GGT5: variants seen among roughly 807,000 people sequenced by gnomAD.
GGT5 encodes glutathione hydrolase 5 proenzyme.
In GGT5, 50 loss-of-function variants were observed where a neutral mutation model predicts 58.1. The observed-to-expected ratio is 0.86, with a 90% CI of 0.69 to 1.09. The LOEUF is 1.09. Ranked by LOEUF, GGT5 falls within the 50% of genes least tolerant of loss-of-function variation. GGT5 has a pLI of 0.00. For missense variants in GGT5, 800 were observed against 789.4 expected (o/e 1.01, Z -0.16); for synonymous variants, 370 against 346.1 (o/e 1.07, Z -0.77).
chr22:24,236,392 A>T (rs535975616), intron 1 of GGT5, among the ~76,000 whole-genome samples: 1 of 151,642 alleles, frequency 6.6e-6, no homozygotes, highest in South Asian at 2.1e-4. Context: ...CAAGCCACCA[A>T]CCTCTCTCAG....
intron 1 of GGT5, among the ~76,000 whole-genome samples, chr22:24,238,823 ATATATATATTTATATATATATAT>A (rs1569371544): frequency 6.0e-5 from 1 of 16,652 alleles, no homozygotes; most frequent in African/African-American, 3.2e-4. Context: ...TTATATATAT[ATATATATATTTATATATATATAT>A]TATATATATT....
chr22:24,233,789 G>T, intron 2 of GGT5, 85 bp downstream of exon 2: 1 of 1,350,844 alleles, frequency 7.4e-7, no homozygotes. Flanking sequence ...AAACGGGCTT[G>T]AGTTGATGGG....
At chr22:24,229,822 G>T (rs1234741396) in intron 6 of GGT5, among the ~76,000 whole-genome samples, 5 of 150,206 alleles carry the variant, frequency 3.3e-5, no homozygotes, top group African/African-American at 1.2e-4. Flanking sequence ...CTGCTCTCCA[G>T]CCTGGGCCAC....
At chr22:24,223,721 C>T (rs939862025) in intron 11 of GGT5, among the ~76,000 whole-genome samples, 11 of 145,900 alleles carry the variant, frequency 7.5e-5, no homozygotes, top group Non-Finnish European at 1.3e-4. Context: ...GGAGAGGCAG[C>T]TTTGACGATC....
chr22:24,220,118 T>C lies in GGT5; in HGVS notation c.1615-2A>G. On this transcript the variant is annotated splice_acceptor_variant, in intron 11 of 11. Transcript: ENST00000327365. LOFTEE classifies it high-confidence loss of function. Reference sequence around the variant, plus strand: ...GTCTTGGAGTCCCCTCTGCACCTCCTGGAGAGGAGAGAAAGCAGGTTCACA... The same window carrying C: ...GTCTTGGAGTCCCCTCTGCACCTCCCGGAGAGGAGAGAAAGCAGGTTCACA... 1 of 1,613,782 alleles carries C rather than the reference T, an allele frequency of 6.2e-7. No homozygotes were observed. Among genetic ancestry groups the C allele is most frequent in the Non-Finnish European group, 8.5e-7 (1 of 1,179,866 alleles).
In GGT5 at chr22:24,233,576, T is replaced by A. The variant is rs1179983299; in HGVS notation, c.322A>T (p.Asn108Tyr). ...CTGGCCGGCACCGTCTCCCGGGCATTGATGACCTCCACCTTCCCTGGAGTA... is the reference window on the plus strand; with the variant it reads ...CTGGCCGGCACCGTCTCCCGGGCATAGATGACCTCCACCTTCCCTGGAGTA... ...NVTTGKVEVI[N>Y]ARETVPASHA... Residue 108 changes from asparagine to tyrosine, a missense_variant, in exon 3 of 12, where the codon AAT (asparagine) becomes TAT (tyrosine). Physicochemically the swap from Asn to Tyr is moderately radical, Grantham distance 143. Transcript: ENST00000327365. The A allele has an allele frequency of 1.2e-6, 2 of 1,608,176 alleles. No homozygotes were observed. The highest frequency in any genetic ancestry group is 1.7e-6 in the Non-Finnish European group (2 of 1,178,010).
Position 24,224,980 on chromosome 22 carries a change from C to T in GGT5, c.1614+16G>A, listed in dbSNP as rs374683064. 129 of 1,523,868 alleles carry T rather than the reference C, an allele frequency of 8.5e-5. No homozygotes were observed. The highest frequency in any genetic ancestry group is 1.1e-4 in the Non-Finnish European group (124 of 1,114,888). The allele number at this position is 1,523,868 out of a possible 1,614,324, so 94.4% of individuals were successfully genotyped here. A position where few individuals can be genotyped will look rare whatever the true frequency, so the allele number is the denominator to read the frequency against. Reference sequence around the variant, plus strand: ...TGGGCTCTGCCCTAGGCATCCAGCTCGGACCTCAGCCTCACCTGGCTGAAG... The same window carrying T: ...TGGGCTCTGCCCTAGGCATCCAGCTTGGACCTCAGCCTCACCTGGCTGAAG... On this transcript the variant is annotated intron_variant, in intron 11 of 11. Transcript: ENST00000327365.
chr22:24,226,777 G>T lies in GGT5; in HGVS notation c.902-10C>A. On this transcript the variant is annotated splice_polypyrimidine_tract_variant and intron_variant, in intron 6 of 11. Coordinates refer to ENST00000327365, the MANE Select transcript of GGT5 (RefSeq NM_004121.5). ...GTTGAGAAGTTGAACCCTGGAGAGA[G>T]GTTGGGGCACAGGTTGGTTGGGGTC... 6.2e-7 allele frequency: 1 copy of T among 1,613,804 alleles called. No individual in the cohort carries two copies. Among genetic ancestry groups the T allele is most frequent in the Non-Finnish European group, 8.5e-7 (1 of 1,179,780 alleles).
In GGT5 at chr22:24,233,960, G is replaced by C. The variant is rs375314554; in HGVS notation, c.218C>G (p.Ala73Gly). The C allele has an allele frequency of 6.2e-7, 1 of 1,613,454 alleles. No individual in the cohort carries two copies. Among genetic ancestry groups the C allele is most frequent in the East Asian group, 2.2e-5 (1 of 44,866 alleles). The change falls in exon 2 of 12, where the codon GCG (alanine) becomes GGG (glycine). Residue 73 changes from alanine (A) to glycine (G), a missense_variant. Physicochemically the swap from Ala to Gly is moderately conservative, Grantham distance 60. Transcript: ENST00000327365. ...QQGSPVDATIAALVCTSVVNP... is the reference protein window; with the variant it reads ...QQGSPVDATIGALVCTSVVNP... The stretch of plus-strand genomic sequence containing the variant: ...GACGACGCTGGTGCAGACCAGAGCC[G>C]CGATGGTGGCATCCACGGGTGAGCC...
chr22:24,225,483 C>T lies in GGT5; in HGVS notation c.1336+63G>A, dbSNP rs2047725664. The T allele has an allele frequency of 4.4e-6, 7 of 1,593,754 alleles. No homozygotes were observed. The South Asian group carries it at 5.5e-5, about 13-fold the overall frequency. On this transcript the variant is annotated intron_variant, in intron 9 of 11. Transcript: ENST00000327365. The stretch of plus-strand genomic sequence containing the variant: ...GTTAGCATGCAACCCCAGCCCAGCC[C>T]CCTCCCTCCTCTCCCCTGGTGGGGG...
At chr22:24,230,837 A>G (rs535867038) in intron 6 of GGT5, among the ~76,000 whole-genome samples, 7 of 152,256 alleles carry the variant, frequency 4.6e-5, no homozygotes, top group South Asian at 2.1e-4. Flanking sequence ...GGAGCCCCCA[A>G]TGGAATGCAG....
intron 11 of GGT5, among the ~76,000 whole-genome samples, chr22:24,223,772 T>C (rs1395624017): frequency 1.3e-5 from 2 of 148,852 alleles, no homozygotes; most frequent in African/African-American, 5.0e-5. Flanking sequence ...TTTTTTTTTT[T>C]TTTTTTTGAG....
At chr22:24,238,865 A>AAT (rs1406909061) in intron 1 of GGT5, among the ~76,000 whole-genome samples, 1 of 8,930 alleles carries the variant, frequency 1.1e-4, no homozygotes, top group African/African-American at 7.6e-4. Context: ...TTATATATAT[A>AAT]ATATATATAA....
chr22:24,231,433 C>T lies in GGT5; in HGVS notation c.852G>A (p.Pro284=), dbSNP rs747081078. The change falls in exon 6 of 12, where the codon CCG becomes CCA. Residue 284 remains proline (P), a synonymous_variant. Transcript: ENST00000327365. ...TGAGAATGGCACCCCCTGCAGGCGG[C>T]GGTGGTGAGTACAGGGTATAGTCCC... ...PLGDYTLYSP[P]PPAGGAILSF... 6 of 1,558,818 alleles carry T rather than the reference C, an allele frequency of 3.8e-6. No homozygotes were observed. In the African/African-American group the frequency reaches 6.8e-5, roughly 18 times the overall value.
In GGT5 at chr22:24,225,624, T is replaced by C. The variant is rs748517292; in HGVS notation, c.1258A>G (p.Thr420Ala). 3.1e-6 allele frequency: 5 copies of C among 1,612,908 alleles called. No homozygotes were observed. The Admixed American group carries it at 8.3e-5, about 27-fold the overall frequency. Residue 420 changes from threonine (T) to alanine (A), a missense_variant, in exon 9 of 12, where the codon ACA (threonine) becomes GCA (alanine). Transcript: ENST00000327365. The stretch of plus-strand genomic sequence containing the variant: ...AGCTCGTTGTTGAGGATGATGCCTG[T>C]CCGTGGTGAATACACCATCGCTCCA... ...PFGAMVYSPR[T>A]GIILNNELLD...
intron 8 of GGT5, 22 bp downstream of exon 8, chr22:24,226,054 C>A (rs780720014): frequency 2.1e-5 from 32 of 1,523,088 alleles, no homozygotes; most frequent in Admixed American, 1.2e-4. Flanking sequence ...AAGCCATCCG[C>A]CTTCCCCCAG....
At position 24,226,064 on chromosome 22, in the gene GGT5, G is replaced by C. The variant is rs2047751592; in HGVS notation, c.1229+12C>G. The C allele has an allele frequency of 6.4e-7, 1 of 1,554,400 alleles. No individual in the cohort carries two copies. The highest frequency in any genetic ancestry group is 1.4e-5 in the African/African-American group (1 of 73,930). On this transcript the variant is annotated intron_variant, in intron 8 of 11. Coordinates refer to ENST00000327365, the MANE Select transcript of GGT5 (RefSeq NM_004121.5). Reference sequence around the variant, plus strand: ...GAGTGAAGCCATCCGCCTTCCCCCAGGCCCTACGCACGGTGTGTTGATGGT... The same window carrying C: ...GAGTGAAGCCATCCGCCTTCCCCCACGCCCTACGCACGGTGTGTTGATGGT...
chr22:24,227,943 G>A (rs982236515), intron 6 of GGT5, among the ~76,000 whole-genome samples: 2 of 151,188 alleles, frequency 1.3e-5, no homozygotes, highest in African/African-American at 2.4e-5. Context: ...CAGCTACTAG[G>A]GAGGCTGAGG....
In GGT5 at chr22:24,232,827, G is replaced by A. The variant is rs1272206080; in HGVS notation, c.592C>T (p.Leu198=). The change falls in exon 4 of 12, where the codon CTG becomes TTG. Residue 198 remains leucine, a synonymous_variant. Transcript: ENST00000327365. ...GGGCCACCATGTGGGGCTCACCGCA[G>A]GGTTGACGCCTGCAAGGAAGGCCGC... ...ILRPSLQAST[L]RQLFFNGTEP... is the part of the protein sequence containing the mutation. 2 of 1,522,906 alleles carry A rather than the reference G, an allele frequency of 1.3e-6. No individual in the cohort carries two copies. Among genetic ancestry groups the A allele is most frequent in the Middle Eastern group, 1.8e-4 (1 of 5,646 alleles). The allele number at this position is 1,522,906 out of a possible 1,614,324, so 94.3% of individuals were successfully genotyped here. A position where few individuals can be genotyped will look rare whatever the true frequency, so the allele number is the denominator to read the frequency against.
Sources: gnomAD v4.1 joint callset for allele counts (sites outside exome capture counted in the v4.1 genomes callset) on GRCh38, gnomAD v4.1.1 for gene constraint, MANE v1.5 for transcripts, NCBI Gene and HGNC (gene_info 2026-07-23, HGNC 2026-07-21) for gene names.